The following DARS1 variants were observed in gnomAD, a reference collection of about 807,000 sequenced individuals.
The protein encoded by DARS1 is aspartyl-tRNA synthetase 1.
A neutral mutation model predicts 68.8 loss-of-function variants in DARS1; 51 were observed. The ratio of observed to expected loss-of-function variants is 0.74; its 90% CI spans 0.59 to 0.94. DARS1 has a LOEUF of 0.94. DARS1 is among the 40% of genes least tolerant of loss of function. The pLI is 0.00. For synonymous variants in DARS1, 203 were observed against 190.4 expected (o/e 1.07, Z -0.55); for missense variants, 607 against 597.3 (o/e 1.02, Z -0.17).
intron 3 of DARS1, among the ~76,000 whole-genome samples, chr2:135,961,950 G>A (rs1575402793): frequency 6.6e-6 from 1 of 152,150 alleles, no homozygotes; most frequent in African/African-American, 2.4e-5. Flanking sequence ...TAAAAACAAG[G>A]ACACAAACAC....
chr2:135,964,770 G>A (rs1029926561), intron 3 of DARS1, among the ~76,000 whole-genome samples: 1 of 150,112 alleles, frequency 6.7e-6, no homozygotes, highest in Admixed American at 6.7e-5. Flanking sequence ...GAACCCAGCA[G>A]GCGGAGGTTG....
chr2:135,910,668 A>T (rs1680877738), intron 15 of DARS1, among the ~76,000 whole-genome samples: 1 of 152,178 alleles, frequency 6.6e-6, no homozygotes, highest in African/African-American at 2.4e-5. Flanking sequence ...ACAAATAAAA[A>T]CTTCAATGAA....
chr2:135,985,638 CG>C, upstream of DARS1: 2 of 1,430,976 alleles, frequency 1.4e-6, no homozygotes, highest in Non-Finnish European at 1.9e-6. Context: ...GCGAGAGCTG[CG>C]GCTATCTCGA....
chr2:135,938,499 A>G (rs1681520385), intron 5 of DARS1, among the ~76,000 whole-genome samples: 2 of 152,326 alleles, frequency 1.3e-5, no homozygotes, highest in South Asian at 4.1e-4. Flanking sequence ...TCAATTTGTC[A>G]AAGTCATTCT....
chr2:135,967,586 A>T (rs573857949), intron 3 of DARS1, among the ~76,000 whole-genome samples: 1 of 152,346 alleles, frequency 6.6e-6, no homozygotes, highest in Admixed American at 6.5e-5. Context: ...TACCATAAGA[A>T]ATCTGATTTT....
At chr2:135,981,225 T>C (rs540355877) in intron 2 of DARS1, among the ~76,000 whole-genome samples, 1 of 152,346 alleles carries the variant, frequency 6.6e-6, no homozygotes, top group East Asian at 1.9e-4. Flanking sequence ...ATGGCTGCTT[T>C]GGGCCTATGT....
At chr2:135,924,997 AG>A (rs1681182636) in intron 7 of DARS1, among the ~76,000 whole-genome samples, 1 of 152,224 alleles carries the variant, frequency 6.6e-6, no homozygotes, top group African/African-American at 2.4e-5. Context: ...GAAATTAAAA[AG>A]AAAAAAATAC....
intron 13 of DARS1, chr2:135,911,759 T>A (rs1680901726): frequency 3.5e-6 from 1 of 282,708 alleles, no homozygotes; most frequent in Non-Finnish European, 6.5e-6. Flanking sequence ...CTGATCCTTA[T>A]TTCACTTTAT....
intron 3 of DARS1, among the ~76,000 whole-genome samples, chr2:135,970,252 C>CAAAAAAAAAAA: frequency 2.0e-5 from 1 of 49,216 alleles, no homozygotes; most frequent in Non-Finnish European, 4.5e-5. Flanking sequence ...GACCCTGTCT[C>CAAAAAAAAAAA]AAAAAAAAAA....
intron 11 of DARS1, 82 bp from the exon 12 acceptor site, chr2:135,914,593 T>G (rs1680968434): frequency 2.3e-6 from 2 of 877,594 alleles, no homozygotes; most frequent in South Asian, 2.6e-5. Context: ...CTATTTGAGT[T>G]TCTCAAGGGA....
At chr2:135,970,717 T>C (rs1329346523) in intron 3 of DARS1, among the ~76,000 whole-genome samples, 1 of 151,564 alleles carries the variant, frequency 6.6e-6, no homozygotes, top group African/African-American at 2.4e-5. Context: ...TTAGCCAGAC[T>C]AAGGAAAAAA....
chr2:135,982,105 A>G (rs1339115678), intron 2 of DARS1, among the ~76,000 whole-genome samples: 1 of 152,248 alleles, frequency 6.6e-6, no homozygotes, highest in Non-Finnish European at 1.5e-5. Flanking sequence ...GCAAGAATGT[A>G]AACGTCTACA....
chr2:135,909,623 T>C (rs1307968277), intron 15 of DARS1, among the ~76,000 whole-genome samples: 1 of 152,186 alleles, frequency 6.6e-6, no homozygotes, highest in African/African-American at 2.4e-5. Flanking sequence ...ACTCTTTGTC[T>C]ATGGGTTCAA....
intron 7 of DARS1, among the ~76,000 whole-genome samples, chr2:135,928,174 G>C (rs1054852191): frequency 6.6e-6 from 1 of 152,082 alleles, no homozygotes; most frequent in Non-Finnish European, 1.5e-5. Context: ...ACCTATTTAA[G>C]TTATCATCTT....
chr2:135,907,206 C>T lies in DARS1; in HGVS notation c.*110G>A, dbSNP rs1680800211. ...TTAAGTACCTAAAGTACAGCCTGTG[C>T]ACTAGCAGGTTACTGAAAAGAATAA... On this transcript the variant is annotated 3_prime_UTR_variant, in exon 16 of 16. Coordinates refer to ENST00000264161, the MANE Select transcript of DARS1 (RefSeq NM_001349.4). 2 of 634,628 alleles carry T rather than the reference C, an allele frequency of 3.2e-6. No individual in the cohort carries two copies. The highest frequency in any genetic ancestry group is 5.2e-6 in the Non-Finnish European group (2 of 381,372). The allele number at this position is 634,628 out of a possible 1,614,324, so 39.3% of individuals were successfully genotyped here. A position where few individuals can be genotyped will look rare whatever the true frequency, so the allele number is the denominator to read the frequency against.
intron 13 of DARS1, 71 bp from the exon 14 acceptor site, chr2:135,911,564 T>C (rs1277811086): frequency 4.2e-6 from 3 of 712,042 alleles, no homozygotes; most frequent in Non-Finnish European, 7.4e-6. Flanking sequence ...CGGAAAAAAA[T>C]CTCTGCTGCA....
At chr2:135,932,732 C>A in intron 7 of DARS1, 51 bp downstream of exon 7, 1 of 849,018 alleles carries the variant, frequency 1.2e-6, no homozygotes. Context: ...GTATCCCTGC[C>A]CCTCTCTAAT....
At chr2:135,919,420 A>G (rs991850738) in intron 10 of DARS1, among the ~76,000 whole-genome samples, 4 of 152,232 alleles carry the variant, frequency 2.6e-5, no homozygotes, top group East Asian at 1.9e-4. Flanking sequence ...CCAATGAAAC[A>G]TATCAAATAC....
At chr2:135,977,133 A>G (rs1682519056) in intron 3 of DARS1, among the ~76,000 whole-genome samples, 1 of 152,250 alleles carries the variant, frequency 6.6e-6, no homozygotes. Flanking sequence ...TGTCATGCTC[A>G]TTAACATGAC....
Sources: allele counts gnomAD v4.1 joint callset (sites outside exome capture counted in the v4.1 genomes callset), GRCh38; gene constraint gnomAD v4.1.1; transcripts MANE v1.5; gene names NCBI Gene and HGNC (gene_info 2026-07-23, HGNC 2026-07-21).